The following THSD7B variants were observed in gnomAD, a reference collection of about 807,000 sequenced individuals.
THSD7B encodes thrombospondin type-1 domain-containing protein 7B.
THSD7B carries 138 observed loss-of-function variants against 213.6 expected under a neutral mutation model. The observed-to-expected ratio is 0.65, with a 90% CI of 0.56 to 0.74. The LOEUF is 0.74. THSD7B is among the 30% of genes least tolerant of loss of function. The pLI is 0.00. For synonymous variants in THSD7B, 742 were observed against 687.0 expected (o/e 1.08, Z -1.25); for missense variants, 1,931 against 1,991.5 (o/e 0.97, Z 0.58).
intron 2 of THSD7B, among the ~76,000 whole-genome samples, chr2:136,941,980 G>T (rs1246244881): frequency 1.3e-5 from 2 of 152,146 alleles, no homozygotes; most frequent in Non-Finnish European, 2.9e-5. Flanking sequence ...ATGGTTTTAG[G>T]TCTAACATTT....
At chr2:137,350,629 C>A (rs1408506264) in intron 12 of THSD7B, among the ~76,000 whole-genome samples, 1 of 151,692 alleles carries the variant, frequency 6.6e-6, no homozygotes, top group Admixed American at 6.6e-5. Flanking sequence ...TGAAAGAGAT[C>A]ACTCTGCAAG....
At chr2:136,884,332 G>T (rs1280831404) in intron 2 of THSD7B, among the ~76,000 whole-genome samples, 2 of 152,172 alleles carry the variant, frequency 1.3e-5, no homozygotes, top group Non-Finnish European at 2.9e-5. Context: ...GTATGTAGGG[G>T]CCAGGAGAAA....
chr2:137,315,065 C>T (rs1479746683), intron 12 of THSD7B, among the ~76,000 whole-genome samples: 1 of 152,216 alleles, frequency 6.6e-6, no homozygotes, highest in African/African-American at 2.4e-5. Flanking sequence ...GCTTTGTTTA[C>T]CTAAGCAAGC....
chr2:137,379,620 T>C (rs1032793575), intron 12 of THSD7B, among the ~76,000 whole-genome samples: 3 of 152,208 alleles, frequency 2.0e-5, no homozygotes, highest in Admixed American at 1.3e-4. Context: ...CTTTGTATAA[T>C]AGCAAGTAAA....
At position 137,115,139 on chromosome 2, in the gene THSD7B, T is replaced by C. The variant is rs375005113; in HGVS notation, c.1215T>C (p.Thr405=). The change falls in exon 5 of 28, where the codon ACT becomes ACC. Residue 405 remains threonine (T), a synonymous_variant. Coordinates refer to ENST00000409968, the MANE Select transcript of THSD7B (RefSeq NM_001316349.2). ...AACCAAACAGGTATTCCTGGAGAAC[T>C]TCTGAATGGAAAGAATGCCAAGTCT... ...LQQCPRYSWR[T]SEWKECQVSL... 2.5e-6 allele frequency: 4 copies of C among 1,613,862 alleles called. No individual in the cohort carries two copies. In the African/African-American group the frequency reaches 5.3e-5, roughly 22 times the overall value.
At chr2:136,828,275 C>G (rs1682692413) in intron 1 of THSD7B, among the ~76,000 whole-genome samples, 1 of 152,110 alleles carries the variant, frequency 6.6e-6, no homozygotes, top group Non-Finnish European at 1.5e-5. Context: ...GTTAATGGCA[C>G]TATCATTCCT....
intron 5 of THSD7B, among the ~76,000 whole-genome samples, chr2:137,125,471 C>T (rs892348484): frequency 3.9e-5 from 6 of 152,178 alleles, no homozygotes; most frequent in Admixed American, 1.3e-4. Flanking sequence ...CATAAGGCTG[C>T]AGCAATTCAG....
chr2:137,046,719 A>C (rs1686976380), intron 2 of THSD7B, among the ~76,000 whole-genome samples: 1 of 148,162 alleles, frequency 6.7e-6, no homozygotes, highest in Non-Finnish European at 1.5e-5. Context: ...GACAAGAGTG[A>C]AACTCCGTCT....
intron 10 of THSD7B, among the ~76,000 whole-genome samples, chr2:137,256,057 T>A (rs1027191750): frequency 6.6e-6 from 1 of 152,118 alleles, no homozygotes; most frequent in Non-Finnish European, 1.5e-5. Context: ...TCTTCATTAC[T>A]CTGTATTATT....
At chr2:137,371,231 C>G (rs1307873272) in intron 12 of THSD7B, among the ~76,000 whole-genome samples, 1 of 152,148 alleles carries the variant, frequency 6.6e-6, no homozygotes, top group Non-Finnish European at 1.5e-5. Context: ...TTGGTCTTCT[C>G]TCTTAGAGAA....
chr2:137,560,830 A>G lies in THSD7B; in HGVS notation c.3139-2391A>G, dbSNP rs557351933. Among the ~76,000 whole-genome samples, 40 of 152,196 alleles carry G rather than the reference A, an allele frequency of 2.6e-4. No individual in the cohort carries two copies. In the South Asian group the frequency reaches 2.9e-3, roughly 11 times the overall value. On this transcript the variant is annotated intron_variant, in intron 15 of 27. Transcript: ENST00000409968. ...TGTGTCCCTAACAACACCACTGCCC[A>G]GCCCCAAACATGTGTACTCTGGCTT...
chr2:136,921,459 C>T (rs553093291), intron 2 of THSD7B, among the ~76,000 whole-genome samples: 41 of 10,884 alleles, frequency 3.8e-3, no homozygotes, highest in East Asian at 0.019. Context: ...ATATCATATG[C>T]GGGTTTTTTT....
intron 3 of THSD7B, among the ~76,000 whole-genome samples, chr2:137,069,394 A>T (rs953378052): frequency 6.6e-6 from 1 of 151,998 alleles, no homozygotes; most frequent in South Asian, 2.1e-4. Flanking sequence ...GACTAGGAAG[A>T]CTGTTTATAT....
chr2:137,612,163 T>G (rs917497156), intron 17 of THSD7B, among the ~76,000 whole-genome samples: 5 of 152,198 alleles, frequency 3.3e-5, no homozygotes, highest in African/African-American at 4.8e-5. Context: ...AGAGTCACCA[T>G]GTACAGTGTA....
intron 5 of THSD7B, among the ~76,000 whole-genome samples, chr2:137,139,070 T>C (rs2104962025): frequency 6.6e-6 from 1 of 152,306 alleles, no homozygotes; most frequent in Admixed American, 6.5e-5. Flanking sequence ...TGTTCTCCAG[T>C]CATTCCATTT....
chr2:137,653,761 A>G (rs1573768005), intron 21 of THSD7B, among the ~76,000 whole-genome samples: 1 of 150,814 alleles, frequency 6.6e-6, no homozygotes, highest in Admixed American at 6.7e-5. Flanking sequence ...CAATATTTCT[A>G]TTTTTTAAAA....
At chr2:137,419,481 G>A (rs1686876340) in intron 14 of THSD7B, among the ~76,000 whole-genome samples, 1 of 150,290 alleles carries the variant, frequency 6.7e-6, no homozygotes. Flanking sequence ...GAGATGGGAT[G>A]CCAAGGTGCC....
At chr2:137,031,937 G>A (rs1373143747) in intron 2 of THSD7B, among the ~76,000 whole-genome samples, 1 of 151,644 alleles carries the variant, frequency 6.6e-6, no homozygotes, top group African/African-American at 2.4e-5. Flanking sequence ...AACCTCCTGG[G>A]TTTAAACAAT....
intron 7 of THSD7B, among the ~76,000 whole-genome samples, chr2:137,182,521 C>T (rs577036160): frequency 6.6e-6 from 1 of 150,458 alleles, no homozygotes; most frequent in East Asian, 1.9e-4. Flanking sequence ...CCATGAAACT[C>T]ATTGTCATTT....
Sources: gnomAD v4.1 joint callset for allele counts (sites outside exome capture counted in the v4.1 genomes callset) on GRCh38, gnomAD v4.1.1 for gene constraint, MANE v1.5 for transcripts, NCBI Gene and HGNC (gene_info 2026-07-23, HGNC 2026-07-21) for gene names.